Variants in OPCML observed in about 807,000 individuals in gnomAD.
OPCML encodes opioid-binding protein/cell adhesion molecule.
In OPCML, 13 loss-of-function variants were observed where a neutral mutation model predicts 37.8. The ratio of observed to expected loss-of-function variants is 0.34; its 90% CI spans 0.22 to 0.55. The LOEUF (loss-of-function observed/expected upper bound fraction) is 0.55, where lower values mean the gene tolerates loss of function less well. Ranked by LOEUF, OPCML falls within the 20% of genes least tolerant of loss-of-function variation. OPCML has a pLI of 0.91. For missense variants in OPCML, 341 were observed against 435.6 expected (o/e 0.78, Z 1.93); for synonymous variants, 176 against 168.8 (o/e 1.04, Z -0.33).
intron 2 of OPCML, among the ~76,000 whole-genome samples, chr11:132,743,614 C>A (rs545817681): frequency 2.0e-5 from 3 of 152,336 alleles, no homozygotes; most frequent in South Asian, 2.1e-4. Flanking sequence ...ATAACTACTT[C>A]TCTTCCTGGA....
intron 3 of OPCML, among the ~76,000 whole-genome samples, chr11:132,620,570 A>G (rs973789611): frequency 6.6e-6 from 1 of 152,198 alleles, no homozygotes; most frequent in Admixed American, 6.5e-5. Flanking sequence ...CGCTTTACCA[A>G]CACTGGCTAC....
At chr11:132,624,924 A>T (rs531079313) in intron 3 of OPCML, among the ~76,000 whole-genome samples, 16 of 152,196 alleles carry the variant, frequency 1.1e-4, no homozygotes, top group African/African-American at 3.9e-4. Context: ...GCATCAAATC[A>T]TTTTTTATTC....
chr11:132,682,037 A>G (rs905838361), intron 2 of OPCML, among the ~76,000 whole-genome samples: 2 of 151,840 alleles, frequency 1.3e-5, no homozygotes, highest in African/African-American at 4.8e-5. Context: ...AAGCTAAAGG[A>G]GCGCTGTAAC....
chr11:132,929,624 CT>C (rs1945127301), intron 2 of OPCML, among the ~76,000 whole-genome samples: 1 of 152,164 alleles, frequency 6.6e-6, no homozygotes, highest in Admixed American at 6.5e-5. Context: ...AAAACCAATA[CT>C]AGTCTAATGT....
intron 1 of OPCML, among the ~76,000 whole-genome samples, chr11:133,499,190 G>C (rs945566949): frequency 2.6e-5 from 4 of 152,156 alleles, no homozygotes; most frequent in African/African-American, 9.7e-5. Flanking sequence ...CAGCAAACCA[G>C]CCCATATGGA....
intron 3 of OPCML, among the ~76,000 whole-genome samples, chr11:132,543,041 A>G (rs1338697425): frequency 7.3e-6 from 1 of 137,688 alleles, no homozygotes. Flanking sequence ...GCAGTTGTCC[A>G]TCATCTTGTC....
intron 1 of OPCML, among the ~76,000 whole-genome samples, chr11:133,464,549 T>C (rs1946932348): frequency 6.6e-6 from 1 of 152,052 alleles, no homozygotes; most frequent in Admixed American, 6.6e-5. Context: ...TGAGGAAGGA[T>C]CAGAATCTTT....
Position 132,641,746 on chromosome 11 carries a change from G to A in OPCML, c.379+15341C>T, listed in dbSNP as rs371714068. Among the ~76,000 whole-genome samples the A allele has an allele frequency of 7.2e-5, 11 of 152,238 alleles. No homozygotes were observed. In the East Asian group the frequency reaches 1.9e-3, roughly 27 times the overall value. On this transcript the variant is annotated intron_variant, in intron 3 of 7. Transcript: ENST00000524381. ...TCTATGTGTGATAAATTTTTTTAAA[G>A]GAACTTTGATTTTCCTGTCCCCTCA...
chr11:132,791,137 C>T (rs1362331422), intron 2 of OPCML, among the ~76,000 whole-genome samples: 1 of 152,182 alleles, frequency 6.6e-6, no homozygotes, highest in Admixed American at 6.5e-5. Context: ...GAGCTGCTGA[C>T]ATCAAAGCCG....
chr11:132,974,082 G>A (rs550928076), intron 1 of OPCML, among the ~76,000 whole-genome samples: 3 of 152,204 alleles, frequency 2.0e-5, no homozygotes, highest in South Asian at 4.1e-4. Context: ...CTCTGGCCAT[G>A]CTTTGGGTTT....
chr11:133,114,692 A>G (rs1307967416), intron 1 of OPCML, among the ~76,000 whole-genome samples: 1 of 147,794 alleles, frequency 6.8e-6, no homozygotes, highest in Non-Finnish European at 1.5e-5. Context: ...AGAAATTTGC[A>G]TCTAATTCTT....
At chr11:132,591,195 T>C (rs1257686067) in intron 3 of OPCML, among the ~76,000 whole-genome samples, 1 of 152,142 alleles carries the variant, frequency 6.6e-6, no homozygotes, top group Non-Finnish European at 1.5e-5. Context: ...CCTTTGGAGT[T>C]GCTGTGGAAA....
chr11:133,482,493 G>A (rs1462907235), intron 1 of OPCML, among the ~76,000 whole-genome samples: 1 of 152,144 alleles, frequency 6.6e-6, no homozygotes, highest in Non-Finnish European at 1.5e-5. Context: ...GTGGGAGGGA[G>A]GGTAGGCAGT....
intron 1 of OPCML, among the ~76,000 whole-genome samples, chr11:133,346,233 G>A (rs919189980): frequency 6.6e-6 from 1 of 152,144 alleles, no homozygotes; most frequent in Non-Finnish European, 1.5e-5. Context: ...GCAAGAGGTC[G>A]GAGTCCCTAA....
chr11:133,389,499 T>C (rs556301223), intron 1 of OPCML, among the ~76,000 whole-genome samples: 2 of 152,300 alleles, frequency 1.3e-5, no homozygotes, highest in South Asian at 4.1e-4. Context: ...TCGTGTGAGA[T>C]TTTTATTAAA....
rs775937699 is a variant in OPCML, at chr11:132,657,128, T to G, written c.338A>C (p.Asp113Ala). 6.2e-7 allele frequency: 1 copy of G among 1,614,266 alleles called. No individual in the cohort carries two copies. Among genetic ancestry groups the G allele is most frequent in the Non-Finnish European group, 8.5e-7 (1 of 1,180,054 alleles). The part of the protein sequence containing the change: ...EGPYTCSVQT[D>A]NHPKTSRVHL... ...AACCCGGGACGTTTTGGGATGATTGTCTGTCTGCACAGAGCAGGTGTACGG... is the reference window on the plus strand; with the variant it reads ...AACCCGGGACGTTTTGGGATGATTGGCTGTCTGCACAGAGCAGGTGTACGG... Residue 113 changes from aspartate (D) to alanine (A), a missense_variant, in exon 3 of 8, where the codon GAC becomes GCC. Transcript: ENST00000524381.
chr11:133,406,212 A>T (rs1319972465), intron 1 of OPCML, among the ~76,000 whole-genome samples: 1 of 152,174 alleles, frequency 6.6e-6, no homozygotes, highest in Non-Finnish European at 1.5e-5. Context: ...AGTCAAGAAC[A>T]TACACACAGT....
chr11:132,672,620 C>A (rs1026137756), intron 2 of OPCML, among the ~76,000 whole-genome samples: 1 of 152,170 alleles, frequency 6.6e-6, no homozygotes, highest in African/African-American at 2.4e-5. Flanking sequence ...CGGAAAATCT[C>A]AGCAGGACCA....
chr11:132,927,054 G>A (rs1248239025), intron 2 of OPCML, among the ~76,000 whole-genome samples: 1 of 152,040 alleles, frequency 6.6e-6, no homozygotes, highest in Non-Finnish European at 1.5e-5. Context: ...AGGGACTTAA[G>A]AAACACCACA....
Sources: allele counts gnomAD v4.1 joint callset (sites outside exome capture counted in the v4.1 genomes callset), GRCh38; gene constraint gnomAD v4.1.1; transcripts MANE v1.5; gene names NCBI Gene and HGNC (gene_info 2026-07-23, HGNC 2026-07-21).